The following LRBA variants were observed in gnomAD, a reference collection of about 807,000 sequenced individuals.
LRBA encodes LPS responsive beige-like anchor protein.
LRBA carries 176 observed loss-of-function variants against 330.0 expected under a neutral mutation model. The observed-to-expected ratio is 0.53, with a 90% CI of 0.47 to 0.60. The LOEUF (loss-of-function observed/expected upper bound fraction) is 0.60, where lower values mean the gene tolerates loss of function less well. Among genes scored for constraint, LRBA ranks in the 20% least tolerant of loss-of-function variants. The pLI is 0.00. For synonymous variants in LRBA, 1,230 were observed against 1,193.0 expected (o/e 1.03, Z -0.64); for missense variants, 3,259 against 3,444.8 (o/e 0.95, Z 1.35).
chr4:150,639,747 A>ATATG (rs1778341528), intron 37 of LRBA, among the ~76,000 whole-genome samples: 3 of 2,156 alleles, frequency 1.4e-3, no homozygotes, highest in African/African-American at 3.1e-3. Flanking sequence ...ATATATATAT[A>ATATG]TATATATATA....
intron 37 of LRBA, chr4:150,679,483 T>A (rs1315868938): frequency 6.6e-6 from 1 of 152,186 alleles, no homozygotes; most frequent in East Asian, 1.9e-4. Context: ...TTGTCTGCAT[T>A]GATTTTTTTT....
chr4:150,823,288 T>C (rs1010867377), intron 30 of LRBA, among the ~76,000 whole-genome samples: 2 of 152,180 alleles, frequency 1.3e-5, no homozygotes, highest in Non-Finnish European at 2.9e-5. Flanking sequence ...TAGTAATATT[T>C]TTAAATTATT....
chr4:150,763,047 C>T (rs1385796545), intron 34 of LRBA, among the ~76,000 whole-genome samples: 2 of 151,960 alleles, frequency 1.3e-5, no homozygotes, highest in Non-Finnish European at 2.9e-5. Context: ...AAAACAATCA[C>T]ATGACATGAT....
chr4:150,805,218 GGA>G (rs1742411142), intron 33 of LRBA, among the ~76,000 whole-genome samples: 1 of 3,078 alleles, frequency 3.2e-4, no homozygotes, highest in Non-Finnish European at 2.8e-3. Context: ...AAGGAAGGAA[GGA>G]AAGGAAAGGA....
At chr4:150,826,145 T>TA (rs948345012) in intron 30 of LRBA, among the ~76,000 whole-genome samples, 1 of 152,016 alleles carries the variant, frequency 6.6e-6, no homozygotes, top group Non-Finnish European at 1.5e-5. Context: ...CAAATTTAAG[T>TA]AAAAAAGAAT....
chr4:150,577,610 T>C (rs1770715465), intron 40 of LRBA, among the ~76,000 whole-genome samples: 2 of 152,114 alleles, frequency 1.3e-5, no homozygotes, highest in Admixed American at 6.5e-5. Flanking sequence ...GTCAATAATC[T>C]GATTATTTTT....
At chr4:150,471,844 C>A in intron 42 of LRBA, 105 bp from the exon 43 acceptor site, 2 of 668,654 alleles carry the variant, frequency 3.0e-6, no homozygotes, top group East Asian at 2.8e-5. Context: ...CTGAAAAGTT[C>A]TATTCATGTT....
chr4:150,579,712 G>T (rs1400206508), intron 40 of LRBA: 8 of 456,492 alleles, frequency 1.8e-5, no homozygotes, highest in African/African-American at 8.0e-5. Flanking sequence ...GGTCCGCTCG[G>T]CCTGGGACGC....
intron 34 of LRBA, among the ~76,000 whole-genome samples, chr4:150,775,805 G>GAAAAAAA (rs35161747): frequency 6.8e-4 from 41 of 59,944 alleles, no homozygotes; most frequent in Admixed American, 1.9e-3. Context: ...AAGAAAGAAT[G>GAAAAAAA]AAAAAAAAAA....
intron 40 of LRBA, among the ~76,000 whole-genome samples, chr4:150,576,080 T>C (rs940629721): frequency 4.0e-5 from 6 of 150,826 alleles, no homozygotes; most frequent in African/African-American, 1.2e-4. Flanking sequence ...GTGAAGATAA[T>C]AGTGACTTAT....
intron 53 of LRBA, among the ~76,000 whole-genome samples, chr4:150,294,883 G>A (rs1165311398): frequency 6.6e-6 from 1 of 152,078 alleles, no homozygotes; most frequent in Admixed American, 6.5e-5. Context: ...CCTGGGAGGT[G>A]GAGGTTGCAG....
intron 2 of LRBA, among the ~76,000 whole-genome samples, chr4:150,981,232 T>C (rs1347848456): frequency 1.3e-5 from 2 of 151,342 alleles, no homozygotes; most frequent in African/African-American, 4.9e-5. Context: ...GCCAACATAG[T>C]GAAACCTTGT....
chr4:150,690,026 T>C (rs1783975921), intron 36 of LRBA, among the ~76,000 whole-genome samples: 1 of 151,952 alleles, frequency 6.6e-6, no homozygotes, highest in Non-Finnish European at 1.5e-5. Flanking sequence ...AACCATAAAA[T>C]AGTTAAGAGA....
At chr4:150,400,726 G>A (rs1257006079) in intron 47 of LRBA, among the ~76,000 whole-genome samples, 3 of 152,070 alleles carry the variant, frequency 2.0e-5, no homozygotes, top group Non-Finnish European at 2.9e-5. Context: ...GGTGGCATGT[G>A]CCTATAGTTC....
chr4:151,014,495 C>A lies in LRBA; in HGVS notation c.148G>T (p.Val50Leu). 6.2e-7 allele frequency: 1 copy of A among 1,614,218 alleles called. No individual in the cohort carries two copies. Residue 50 changes from valine (V) to leucine (L), a missense_variant, in exon 2 of 57, where the codon GTG becomes TTG. Transcript: ENST00000651943. ...PIRGIRMKFA[V>L]LTGLVEVGEV... ...CCAACTTCAACCAAACCGGTCAACA[C>A]GGCAAATTTCATTCTGATGCCCCTG... is the stretch of plus-strand genomic sequence containing the variant.
At chr4:150,607,556 A>G (rs1774783495) in intron 37 of LRBA, among the ~76,000 whole-genome samples, 1 of 151,390 alleles carries the variant, frequency 6.6e-6, no homozygotes, top group African/African-American at 2.4e-5. Context: ...TCTAATAGGT[A>G]AGTAATATAA....
chr4:150,310,030 A>C (rs1246421492), intron 52 of LRBA, among the ~76,000 whole-genome samples, 199 bp downstream of exon 52: 4 of 152,134 alleles, frequency 2.6e-5, no homozygotes, highest in African/African-American at 9.7e-5. Flanking sequence ...GTCTCTTACA[A>C]ACATGCTGTA....
intron 48 of LRBA, among the ~76,000 whole-genome samples, chr4:150,327,401 G>A (rs1394186915): frequency 6.6e-6 from 1 of 152,104 alleles, no homozygotes; most frequent in Non-Finnish European, 1.5e-5. Context: ...GCCTGGACAA[G>A]AGTGCAGCCT....
chr4:150,700,800 G>C (rs1419526371), intron 36 of LRBA, among the ~76,000 whole-genome samples: 1 of 148,454 alleles, frequency 6.7e-6, no homozygotes, highest in Admixed American at 6.7e-5. Flanking sequence ...TGGTGAGACA[G>C]AGGCTAGAGT....
Sources: gnomAD v4.1 joint callset for allele counts (sites outside exome capture counted in the v4.1 genomes callset) on GRCh38, gnomAD v4.1.1 for gene constraint, MANE v1.5 for transcripts, NCBI Gene and HGNC (gene_info 2026-07-23, HGNC 2026-07-21) for gene names.